Variants in MDGA2 observed in about 807,000 individuals in gnomAD.
MDGA2 encodes MAM domain-containing glycosylphosphatidylinositol anchor protein 2.
MDGA2 carries 40 observed loss-of-function variants against 117.8 expected under a neutral mutation model. The ratio of observed to expected loss-of-function variants is 0.34; its 90% CI spans 0.26 to 0.44. MDGA2 has a LOEUF of 0.44. Ranked by LOEUF, MDGA2 falls within the 20% of genes least tolerant of loss-of-function variation. The probability of loss-of-function intolerance (pLI) is 1.00; values close to 1 mark genes in which losing one functional copy is unlikely to be tolerated. For synonymous variants in MDGA2, 452 were observed against 439.0 expected (o/e 1.03, Z -0.37); for missense variants, 1,123 against 1,250.6 (o/e 0.90, Z 1.54).
intron 2 of MDGA2, among the ~76,000 whole-genome samples, chr14:47,301,081 T>C (rs1889262972): frequency 6.6e-6 from 1 of 152,308 alleles, no homozygotes; most frequent in East Asian, 1.9e-4. Context: ...CATTGCCATA[T>C]GAATTGTTAT....
intron 14 of MDGA2, chr14:46,873,213 A>G: frequency 2.3e-6 from 1 of 430,842 alleles, no homozygotes; most frequent in South Asian, 4.1e-5. Context: ...TAGGATTCCA[A>G]AGGGAGGTAG....
chr14:47,028,508 T>A (rs8003936), intron 8 of MDGA2, among the ~76,000 whole-genome samples: 36,738 of 152,062 alleles, frequency 0.24, 4,642 homozygotes, highest in Non-Finnish European at 0.27. Context: ...AAATATATCA[T>A]CTAATGTGTG....
intron 1 of MDGA2, among the ~76,000 whole-genome samples, chr14:47,323,066 C>G (rs1334301667): frequency 6.7e-6 from 1 of 149,848 alleles, no homozygotes; most frequent in Non-Finnish European, 1.5e-5. Context: ...GAACTCTTCT[C>G]CCCATTTTAA....
At chr14:47,629,873 A>G (rs1289228126) in intron 1 of MDGA2, among the ~76,000 whole-genome samples, 1 of 152,090 alleles carries the variant, frequency 6.6e-6, no homozygotes, top group East Asian at 1.9e-4. Context: ...AAATCACCCA[A>G]AGGATCTCAT....
chr14:47,503,694 G>A (rs574233655), intron 1 of MDGA2, among the ~76,000 whole-genome samples: 13 of 152,190 alleles, frequency 8.5e-5, no homozygotes, highest in South Asian at 4.1e-4. Flanking sequence ...GTGAGCCACT[G>A]CGCCCGGCCT....
At chr14:47,435,381 T>C (rs991746025) in intron 1 of MDGA2, among the ~76,000 whole-genome samples, 1 of 152,106 alleles carries the variant, frequency 6.6e-6, no homozygotes, top group Non-Finnish European at 1.5e-5. Context: ...TTTTCCACAA[T>C]TACCCATCAT....
intron 8 of MDGA2, among the ~76,000 whole-genome samples, chr14:46,999,349 C>A (rs1402840657): frequency 6.6e-6 from 1 of 152,078 alleles, no homozygotes; most frequent in African/African-American, 2.4e-5. Flanking sequence ...GCAGTATTTG[C>A]AGACACTATT....
chr14:47,637,692 A>T (rs966781243), intron 1 of MDGA2, among the ~76,000 whole-genome samples: 2 of 152,244 alleles, frequency 1.3e-5, no homozygotes, highest in Non-Finnish European at 2.9e-5. Flanking sequence ...ATAAAAACTC[A>T]TGCGAATTCA....
intron 1 of MDGA2, among the ~76,000 whole-genome samples, chr14:47,339,082 G>A (rs1199439101): frequency 6.6e-6 from 1 of 151,910 alleles, no homozygotes; most frequent in Admixed American, 6.6e-5. Flanking sequence ...TAATAAATTT[G>A]TATCTTTTAC....
chr14:47,272,930 T>C (rs1376277995), intron 2 of MDGA2, among the ~76,000 whole-genome samples: 1 of 152,120 alleles, frequency 6.6e-6, no homozygotes, highest in Non-Finnish European at 1.5e-5. Context: ...ATACAACTCC[T>C]TAGATGCAGG....
At chr14:47,639,211 T>C (rs1333780055) in intron 1 of MDGA2, among the ~76,000 whole-genome samples, 1 of 152,182 alleles carries the variant, frequency 6.6e-6, no homozygotes, top group East Asian at 1.9e-4. Context: ...AGATATAAAT[T>C]TGTTGTCTAT....
intron 8 of MDGA2, among the ~76,000 whole-genome samples, chr14:47,011,779 T>C (rs1244439666): frequency 6.6e-6 from 1 of 152,028 alleles, no homozygotes; most frequent in East Asian, 1.9e-4. Flanking sequence ...CAAAGGAAAG[T>C]AGAGAATATC....
intron 1 of MDGA2, among the ~76,000 whole-genome samples, chr14:47,545,018 T>C (rs116198692): frequency 0.012 from 1,791 of 152,356 alleles, 19 homozygotes; most frequent in Middle Eastern, 0.041. Flanking sequence ...AAATTGATTT[T>C]AATTTTTTAA....
intron 2 of MDGA2, among the ~76,000 whole-genome samples, chr14:47,288,419 G>C (rs1339435569): frequency 1.3e-5 from 2 of 152,078 alleles, no homozygotes; most frequent in African/African-American, 4.8e-5. Context: ...ACGTCAATTT[G>C]ATACCATATT....
chr14:47,294,103 CTTTTTTT>C (rs35698427), intron 2 of MDGA2, among the ~76,000 whole-genome samples: 1 of 99,144 alleles, frequency 1.0e-5, no homozygotes, highest in African/African-American at 4.1e-5. Flanking sequence ...ATATGGCAAT[CTTTTTTT>C]TTTTTTTTTT....
rs1255955701 is a variant in MDGA2, at chr14:47,282,050, G to GAA, written c.420+19359_420+19360dup. On this transcript the variant is annotated intron_variant, in intron 2 of 16. Coordinates refer to ENST00000399232, the MANE Select transcript of MDGA2 (RefSeq NM_001113498.3). ...CCTGGGCTGCAGAGCTCCGTCTCGG[G>GAA]AAAAAAAAAAAAAAAAAGACACTTT... Among the ~76,000 whole-genome samples, 622 of 124,174 alleles carry GAA rather than the reference G, an allele frequency of 5.0e-3. 5 individuals carry two copies. The highest frequency in any genetic ancestry group is 7.9e-3 in the Admixed American group (91 of 11,460). The allele number at this position is 124,174 out of a possible 152,430, so 81.5% of individuals were successfully genotyped here. A position where few individuals can be genotyped will look rare whatever the true frequency, so the allele number is the denominator to read the frequency against.
At chr14:47,453,851 T>C (rs755696631) in intron 1 of MDGA2, among the ~76,000 whole-genome samples, 7 of 152,102 alleles carry the variant, frequency 4.6e-5, no homozygotes, top group Non-Finnish European at 8.8e-5. Flanking sequence ...TGAGATCTGA[T>C]TTTGGGTGAG....
rs1229559298 is a variant in MDGA2, at chr14:47,180,688, G to C, written c.596-36414C>G. On this transcript the variant is annotated intron_variant, in intron 3 of 16. Transcript: ENST00000399232. ...GTCACGCCTATAATCCAGCCCTTTG[G>C]GAGGCCAGTGGATCATGAGGTCAAG... Among the ~76,000 whole-genome samples the C allele has an allele frequency of 2.0e-5, 3 of 152,180 alleles. 1 individual carries two copies. The highest frequency in any genetic ancestry group is 7.2e-5 in the African/African-American group (3 of 41,548).
chr14:47,108,157 C>A (rs1880827350), intron 5 of MDGA2, among the ~76,000 whole-genome samples: 1 of 152,068 alleles, frequency 6.6e-6, no homozygotes, highest in Admixed American at 6.6e-5. Flanking sequence ...CTGGACAATA[C>A]TTTTACCACA....
Sources: gnomAD v4.1 joint callset for allele counts (sites outside exome capture counted in the v4.1 genomes callset) on GRCh38, gnomAD v4.1.1 for gene constraint, MANE v1.5 for transcripts, NCBI Gene and HGNC (gene_info 2026-07-23, HGNC 2026-07-21) for gene names.